The following WDR31 variants were observed in gnomAD, a reference collection of about 807,000 sequenced individuals.
WDR31 encodes the protein WD repeat domain 31.
In WDR31, 30 loss-of-function variants were observed where a neutral mutation model predicts 47.3. That is an observed-to-expected ratio of 0.63 (90% CI 0.47 to 0.86). The LOEUF (loss-of-function observed/expected upper bound fraction) is 0.86, where lower values mean the gene tolerates loss of function less well. Among genes scored for constraint, WDR31 ranks in the 40% least tolerant of loss-of-function variants. The pLI is 0.00. For synonymous variants in WDR31, 137 were observed against 159.4 expected, an observed-to-expected ratio of 0.86 and a Z score of 1.06; for missense variants, 406 against 442.9, an observed-to-expected ratio of 0.92 and a Z score of 0.75.
chr9:113,340,067 G>A (rs1303912217), intron 1 of WDR31, 150 bp downstream of exon 1: 1 of 152,252 alleles, frequency 6.6e-6, no homozygotes, highest in African/African-American at 2.4e-5. Flanking sequence ...TGTGGAAAGC[G>A]GGGAGAAGAG....
intron 1 of WDR31, among the ~76,000 whole-genome samples, chr9:113,337,397 T>A (rs1033035618): frequency 6.6e-6 from 1 of 151,730 alleles, no homozygotes; most frequent in Non-Finnish European, 1.5e-5. Flanking sequence ...TCCAAAATGA[T>A]CCAAAATCTA....
At chr9:113,321,394 C>G in intron 8 of WDR31, 117 bp downstream of exon 8, 1 of 1,024,218 alleles carries the variant, frequency 9.8e-7, no homozygotes, top group Non-Finnish European at 1.5e-6. Flanking sequence ...GGCAGAGGAA[C>G]AGAAGGCTCT....
Position 113,322,848 on chromosome 9 carries a change from C to T in WDR31, c.533G>A (p.Gly178Glu), listed in dbSNP as rs780078504. ...GACAGATGCTCTTTCCACACTCTGT[C>T]CTGTCACCACATCCCACAGAAGCAG... ...NTLLLWDVVT[G>E]QSVERASVSR... The change falls in exon 7 of 11, where the codon GGA (glycine) becomes GAA (glutamate). Residue 178 changes from glycine (G) to glutamate (E), a missense_variant. Transcript: ENST00000374193. The T allele has an allele frequency of 1.7e-5, 27 of 1,614,182 alleles. No homozygotes were observed. The highest frequency in any genetic ancestry group is 2.3e-5 in the Non-Finnish European group (27 of 1,180,040).
intron 7 of WDR31, among the ~76,000 whole-genome samples, chr9:113,321,898 C>T (rs1266910996): frequency 1.3e-5 from 2 of 152,082 alleles, no homozygotes; most frequent in Admixed American, 1.3e-4. Flanking sequence ...AAACTCTAGC[C>T]CCAACACCTC....
chr9:113,330,915 A>G, intron 4 of WDR31, 69 bp downstream of exon 4: 1 of 1,503,760 alleles, frequency 6.6e-7, no homozygotes. Context: ...CAAATCCTAG[A>G]CTTCCTTTCA....
chr9:113,319,455 G>A (rs1449072096), intron 9 of WDR31, among the ~76,000 whole-genome samples: 1 of 152,074 alleles, frequency 6.6e-6, no homozygotes, highest in East Asian at 1.9e-4. Context: ...CTGTGAAATG[G>A]GAATTATAAT....
rs752105364 is a variant in WDR31, at chr9:113,331,114, C to T, written c.119G>A (p.Arg40Lys). The change falls in exon 4 of 11, where the codon AGG becomes AAG. Residue 40 changes from arginine to lysine, a missense_variant and splice_region_variant. By Grantham distance (26) the Arg-to-Lys change is conservative. Transcript: ENST00000374193. ...TCTCTCTTCTATAATTTCATCAGGC[C>T]TGCTAAAAAGAGTATAGAAAATGAG... ...KLKHSTYKYG[R>K]PDEIIEERIQ... The T allele has an allele frequency of 7.2e-7, 1 of 1,387,934 alleles. No homozygotes were observed. Among genetic ancestry groups the T allele is most frequent in the Admixed American group, 2.0e-5 (1 of 49,460 alleles). The allele number at this position is 1,387,934 out of a possible 1,614,324, so 86.0% of individuals were successfully genotyped here.
chr9:113,327,306 T>C (rs1047481583), intron 5 of WDR31, among the ~76,000 whole-genome samples: 3 of 152,242 alleles, frequency 2.0e-5, no homozygotes, highest in Admixed American at 6.5e-5. Context: ...TCTAGGCATA[T>C]AGGCCTCACT....
chr9:113,313,735 T>C lies in WDR31; in HGVS notation c.*3014A>G, dbSNP rs902570797. On this transcript the variant is annotated 3_prime_UTR_variant, in exon 11 of 11. Transcript: ENST00000374193. Reference sequence around the variant, plus strand: ...ATTGGGAATAACAAATGAGAATAAATATATTTAGCCCTCTGTAGATGCTCA... The same window carrying C: ...ATTGGGAATAACAAATGAGAATAAACATATTTAGCCCTCTGTAGATGCTCA... 2 of 152,080 alleles carry C rather than the reference T, an allele frequency of 1.3e-5. No individual in the cohort carries two copies. Among genetic ancestry groups the C allele is most frequent in the African/African-American group, 4.8e-5 (2 of 41,396 alleles). The allele number at this position is 152,080 out of a possible 1,614,324, so 9.4% of individuals were successfully genotyped here. A position where few individuals can be genotyped will look rare whatever the true frequency, so the allele number is the denominator to read the frequency against.
chr9:113,320,749 G>A (rs1216723273), intron 8 of WDR31, among the ~76,000 whole-genome samples: 1 of 152,224 alleles, frequency 6.6e-6, no homozygotes, highest in African/African-American at 2.4e-5. Flanking sequence ...TTGAGACCAA[G>A]CATCTTAATT....
intron 7 of WDR31, among the ~76,000 whole-genome samples, 169 bp downstream of exon 7, chr9:113,322,642 T>A (rs1002601950): frequency 6.6e-6 from 1 of 152,044 alleles, no homozygotes; most frequent in Admixed American, 6.5e-5. Context: ...CAAGGGAACA[T>A]CTAATCTAAT....
intron 1 of WDR31, among the ~76,000 whole-genome samples, chr9:113,338,409 G>C (rs1416781579): frequency 6.6e-6 from 1 of 152,138 alleles, no homozygotes; most frequent in Non-Finnish European, 1.5e-5. Context: ...AATTTATCAT[G>C]AGTAGAATAA....
chr9:113,331,895 G>A lies in WDR31; in HGVS notation c.116+12C>T. The A allele has an allele frequency of 6.2e-7, 1 of 1,611,716 alleles. No individual in the cohort carries two copies. Among genetic ancestry groups the A allele is most frequent in the Non-Finnish European group, 8.5e-7 (1 of 1,178,222 alleles). ...TGATAAAACCTGGGCTCCCAGGGGA[G>A]GATTGCAGTACCCGTATTTATAAGT... On this transcript the variant is annotated intron_variant, in intron 3 of 10. Coordinates refer to ENST00000374193, the MANE Select transcript of WDR31 (RefSeq NM_001012361.4).
intron 10 of WDR31, among the ~76,000 whole-genome samples, chr9:113,317,394 C>T (rs927403232): frequency 1.3e-5 from 2 of 152,214 alleles, no homozygotes; most frequent in African/African-American, 2.4e-5. Context: ...AAACTACAGG[C>T]GCATACCTGG....
rs1833260443 is a variant in WDR31 at position 113,318,578 on chromosome 9, A to G, written c.840T>C (p.Thr280=). The change falls in exon 10 of 11, where the codon ACT becomes ACC. Residue 280 remains threonine (T), a synonymous_variant. Coordinates refer to ENST00000374193, the MANE Select transcript of WDR31 (RefSeq NM_001012361.4). The part of the protein sequence containing the change: ...RICEYKGHFQ[T]VASCVFLPRA... ...TTGGTAGAAAGACGCAGGATGCGAC[A>G]GTCTGGAAATGCCCCTTATACTCAC... is the stretch of plus-strand genomic sequence containing the variant. 2 of 1,614,150 alleles carry G rather than the reference A, an allele frequency of 1.2e-6. No homozygotes were observed. The highest frequency in any genetic ancestry group is 2.7e-5 in the African/African-American group (2 of 74,960).
chr9:113,322,662 A>T, intron 7 of WDR31, 149 bp downstream of exon 7: 1 of 647,692 alleles, frequency 1.5e-6, no homozygotes, highest in South Asian at 2.0e-5. Context: ...TAACCCTGAG[A>T]GGCCAGGGTC....
chr9:113,320,447 C>T lies in WDR31; in HGVS notation c.690G>A (p.Gln230=), dbSNP rs1389950496. 1 of 1,614,232 alleles carries T rather than the reference C, an allele frequency of 6.2e-7. No individual in the cohort carries two copies. Among genetic ancestry groups the T allele is most frequent in the South Asian group, 1.1e-5 (1 of 91,086 alleles). ...LQVAHMFPAK[Q]HIQTYCEVSV... is the part of the protein sequence containing the mutation. ...TGACTTCACAGTAGGTCTGAATGTG[C>T]TGCTTTGCAGGAAACATATGAGCTA... The change falls in exon 9 of 11, where the codon CAG becomes CAA. Residue 230 remains glutamine (Q), a synonymous_variant. Transcript: ENST00000374193.
chr9:113,315,677 T>G lies in WDR31; in HGVS notation c.*1072A>C, dbSNP rs10981730. The G allele has an allele frequency of 0.12, 18,748 of 151,526 alleles. 1,255 individuals carry two copies. Among genetic ancestry groups the G allele is most frequent in the Non-Finnish European group, 0.14 (9,703 of 67,858 alleles). 9.4% of individuals were successfully genotyped at this position (151,526 alleles called of 1,614,324 possible). ...TCCTGTATGTGGTTTTTTGTTTTTTTTTTTTTCAAGACAAGGTCTCATTCT... is the reference window on the plus strand; with the variant it reads ...TCCTGTATGTGGTTTTTTGTTTTTTGTTTTTTCAAGACAAGGTCTCATTCT... On this transcript the variant is annotated 3_prime_UTR_variant, in exon 11 of 11. Coordinates refer to ENST00000374193, the MANE Select transcript of WDR31 (RefSeq NM_001012361.4).
chr9:113,322,746 C>T (rs138089431), intron 7 of WDR31, 65 bp downstream of exon 7: 13 of 1,530,398 alleles, frequency 8.5e-6, no homozygotes, highest in Middle Eastern at 2.3e-4. Context: ...ATTTATCTCC[C>T]GAGCCTTTCC....
Sources: allele counts gnomAD v4.1 joint callset (sites outside exome capture counted in the v4.1 genomes callset), GRCh38; gene constraint gnomAD v4.1.1; transcripts MANE v1.5; gene names NCBI Gene and HGNC (gene_info 2026-07-23, HGNC 2026-07-21).